PTPRR: variants seen among roughly 807,000 people sequenced by gnomAD.
PTPRR encodes receptor-type tyrosine-protein phosphatase R.
PTPRR carries 38 observed loss-of-function variants against 77.2 expected under a neutral mutation model. The ratio of observed to expected loss-of-function variants is 0.49; its 90% CI spans 0.38 to 0.65. PTPRR has a LOEUF of 0.65. Among genes scored for constraint, PTPRR ranks in the 30% least tolerant of loss-of-function variants. The pLI, the probability that PTPRR is intolerant of heterozygous loss-of-function variation, is 0.00. For missense variants in PTPRR, 744 were observed against 799.2 expected (o/e 0.93, Z 0.83); for synonymous variants, 299 against 283.1 (o/e 1.06, Z -0.57).
chr12:70,796,839 C>G, intron 2 of PTPRR, among the ~76,000 whole-genome samples: 1 of 151,462 alleles, frequency 6.6e-6, no homozygotes. Flanking sequence ...ACCAGCCTGA[C>G]CAACATGATG....
chr12:70,871,842 G>A (rs1304682802), intron 2 of PTPRR, among the ~76,000 whole-genome samples: 2 of 152,162 alleles, frequency 1.3e-5, no homozygotes, highest in Non-Finnish European at 2.9e-5. Flanking sequence ...CAAACTGCTT[G>A]AGTATATATT....
intron 2 of PTPRR, among the ~76,000 whole-genome samples, chr12:70,852,809 T>TC (rs1211044926): frequency 2.0e-5 from 3 of 152,102 alleles, no homozygotes; most frequent in African/African-American, 7.2e-5. Flanking sequence ...TTACATTTTC[T>TC]CCCCCCTTCT....
chr12:70,868,107 C>T (rs544138150), intron 2 of PTPRR, among the ~76,000 whole-genome samples: 3 of 152,200 alleles, frequency 2.0e-5, no homozygotes, highest in African/African-American at 7.2e-5. Context: ...TAGGCAATAC[C>T]ATTCACGACA....
intron 2 of PTPRR, among the ~76,000 whole-genome samples, chr12:70,876,522 T>C (rs866072722): frequency 5.9e-5 from 9 of 152,288 alleles, no homozygotes; most frequent in Non-Finnish European, 8.8e-5. Context: ...CTATGACATA[T>C]TAAGAAAAGC....
chr12:70,765,852 T>A (rs1890807391), intron 2 of PTPRR, among the ~76,000 whole-genome samples: 1 of 152,116 alleles, frequency 6.6e-6, no homozygotes, highest in South Asian at 2.1e-4. Context: ...CATTCGCAGT[T>A]CACAAACATC....
intron 6 of PTPRR, among the ~76,000 whole-genome samples, chr12:70,736,746 C>A (rs1485038518): frequency 2.6e-5 from 4 of 152,178 alleles, no homozygotes; most frequent in Non-Finnish European, 4.4e-5. Context: ...TGTTTATAAG[C>A]CCTCATGTTG....
chr12:70,850,794 G>T (rs1224336071), intron 2 of PTPRR, among the ~76,000 whole-genome samples: 2 of 152,162 alleles, frequency 1.3e-5, no homozygotes, highest in East Asian at 3.9e-4. Context: ...GAAGCATTTT[G>T]CAAGTTCCTT....
chr12:70,861,772 C>G (rs575596356), intron 2 of PTPRR, among the ~76,000 whole-genome samples: 9 of 152,106 alleles, frequency 5.9e-5, no homozygotes, highest in African/African-American at 1.4e-4. Context: ...AAAGGGCCAT[C>G]AATCTCTTTC....
At chr12:70,738,257 C>G (rs1207954276) in intron 6 of PTPRR, among the ~76,000 whole-genome samples, 1 of 152,136 alleles carries the variant, frequency 6.6e-6, no homozygotes, top group Non-Finnish European at 1.5e-5. Flanking sequence ...CATGTATACC[C>G]TATTATGGTA....
intron 2 of PTPRR, 38 bp downstream of exon 2, chr12:70,892,641 C>A: frequency 6.3e-7 from 1 of 1,597,126 alleles, no homozygotes; most frequent in South Asian, 1.1e-5. Flanking sequence ...AGGAAAGAAT[C>A]AACATCAGCC....
chr12:70,918,707 T>A (rs9652034), intron 1 of PTPRR, among the ~76,000 whole-genome samples: 18,688 of 152,242 alleles, frequency 0.12, 1,584 homozygotes, highest in East Asian at 0.43. Context: ...TATGTTAGTT[T>A]TGAAAAAATG....
chr12:70,920,580 GA>G lies in PTPRR; in HGVS notation c.-191del. The stretch of plus-strand genomic sequence containing the variant: ...AGCTTCAACCTCCCTAAGAGAGGGA[GA>G]GAGGAAGAGCAGTAGGAGGTTGCGG... On this transcript the variant is annotated 5_prime_UTR_variant, in exon 1 of 14. It removes the in-frame stop codon of an upstream open reading frame in the 5' UTR. Coordinates refer to ENST00000283228, the MANE Select transcript of PTPRR (RefSeq NM_002849.4). The G allele has an allele frequency of 3.5e-6, 2 of 569,444 alleles. No homozygotes were observed. The highest frequency in any genetic ancestry group is 6.3e-6 in the Non-Finnish European group (2 of 315,386). The allele number at this position is 569,444 out of a possible 1,614,324, so 35.3% of individuals were successfully genotyped here.
chr12:70,813,858 AG>A (rs1465983815), intron 2 of PTPRR, among the ~76,000 whole-genome samples: 2 of 152,170 alleles, frequency 1.3e-5, no homozygotes, highest in Non-Finnish European at 2.9e-5. Flanking sequence ...GTTTTCCTGG[AG>A]TTTTCAGGTG....
At chr12:70,762,253 G>T (rs996647585) in intron 3 of PTPRR, among the ~76,000 whole-genome samples, 8 of 151,958 alleles carry the variant, frequency 5.3e-5, no homozygotes, top group African/African-American at 1.9e-4. Flanking sequence ...AATGGAGTCA[G>T]AGAATTTCTT....
At chr12:70,871,467 T>C (rs1892957469) in intron 2 of PTPRR, among the ~76,000 whole-genome samples, 1 of 152,166 alleles carries the variant, frequency 6.6e-6, no homozygotes. Flanking sequence ...TTTCTCTCCA[T>C]GGGCAAAATT....
At chr12:70,898,551 A>G (rs1229927973) in intron 1 of PTPRR, among the ~76,000 whole-genome samples, 1 of 148,788 alleles carries the variant, frequency 6.7e-6, no homozygotes, top group Non-Finnish European at 1.5e-5. Flanking sequence ...CTATAAATAT[A>G]TATATACACA....
chr12:70,817,432 G>A (rs1008626363), intron 2 of PTPRR, among the ~76,000 whole-genome samples: 1 of 152,084 alleles, frequency 6.6e-6, no homozygotes, highest in Non-Finnish European at 1.5e-5. Context: ...GAATGGTCTT[G>A]TTCTTAGGAA....
At chr12:70,643,722 A>C (rs1186979299) in intron 13 of PTPRR, among the ~76,000 whole-genome samples, 1 of 152,092 alleles carries the variant, frequency 6.6e-6, no homozygotes, top group Non-Finnish European at 1.5e-5. Context: ...TAAAGTTCCC[A>C]ATACAAAGTG....
chr12:70,877,132 G>A (rs185226527), intron 2 of PTPRR, among the ~76,000 whole-genome samples: 32 of 152,318 alleles, frequency 2.1e-4, no homozygotes, highest in African/African-American at 7.2e-4. Flanking sequence ...CACTCAGGCA[G>A]GGAAGATGAG....
Sources: allele counts gnomAD v4.1 joint callset (sites outside exome capture counted in the v4.1 genomes callset), GRCh38; gene constraint gnomAD v4.1.1; transcripts MANE v1.5; gene names NCBI Gene and HGNC (gene_info 2026-07-23, HGNC 2026-07-21).